The following CSMD1 variants were observed in gnomAD, a reference collection of about 807,000 sequenced individuals.
The protein encoded by CSMD1 is CUB and sushi domain-containing protein 1.
In CSMD1, 213 loss-of-function variants were observed where a neutral mutation model predicts 417.5. That is an observed-to-expected ratio of 0.51 (90% CI 0.46 to 0.57). The LOEUF is 0.57. CSMD1 is among the 20% of genes least tolerant of loss of function. The pLI, the probability that CSMD1 is intolerant of heterozygous loss-of-function variation, is 0.00. For missense variants in CSMD1, 6,923 were observed against 4,529.7 expected (o/e 1.53, Z -15.17); for synonymous variants, 2,862 against 1,736.8 (o/e 1.65, Z -16.11).
rs183249545 is a variant in CSMD1, at chr8:4,150,020, C to A, written c.416-117921G>T. 6.4e-4 allele frequency among the ~76,000 whole-genome samples: 97 copies of A among 152,292 alleles called. 1 individual carries two copies. The East Asian group carries it at 0.017, about 27-fold the overall frequency. ...AGACTGATGGATGCCTTTAAAATAT[C>A]CTCAACGCTGCACGTAAAAGGCACG... On this transcript the variant is annotated intron_variant, in intron 3 of 69. Transcript: ENST00000635120.
chr8:4,031,967 A>C lies in CSMD1; in HGVS notation c.548T>G (p.Leu183Arg). The change falls in exon 4 of 70, where the codon CTG becomes CGG. Residue 183 changes from leucine to arginine, a missense_variant. Physicochemically the swap from Leu to Arg is moderately radical, Grantham distance 102. Coordinates refer to ENST00000635120, the MANE Select transcript of CSMD1 (RefSeq NM_033225.6). The part of the protein sequence containing the change: ...PGYILEGHAI[L>R]TCIVSPGNGA... ...ATTTCCTGGGCTGACGATGCAGGTC[A>C]GGATGGCGTGGCCTTCCAAGATGTA... 1 of 1,613,984 alleles carries C rather than the reference A, an allele frequency of 6.2e-7. No homozygotes were observed. Among genetic ancestry groups the C allele is most frequent in the Non-Finnish European group, 8.5e-7 (1 of 1,179,878 alleles).
chr8:4,068,075 G>A (rs1383832748), intron 3 of CSMD1, among the ~76,000 whole-genome samples: 4 of 151,780 alleles, frequency 2.6e-5, no homozygotes, highest in East Asian at 1.9e-4. Context: ...GGGAGACAAC[G>A]TCTCAAAAAA....
At position 3,787,940 on chromosome 8, in the gene CSMD1, C is replaced by A. The variant is rs545930365; in HGVS notation, c.819-33898G>T. On this transcript the variant is annotated intron_variant, in intron 5 of 69. Coordinates refer to ENST00000635120, the MANE Select transcript of CSMD1 (RefSeq NM_033225.6). Reference sequence around the variant, plus strand: ...GTAGTTGTGAGGGGAAGGAGATGGGCAGAAATCCTTGCATGGGCTCCTAAT... The same window carrying A: ...GTAGTTGTGAGGGGAAGGAGATGGGAAGAAATCCTTGCATGGGCTCCTAAT... Among the ~76,000 whole-genome samples the A allele has an allele frequency of 1.7e-4, 26 of 152,226 alleles. No homozygotes were observed. The South Asian group carries it at 5.4e-3, about 32-fold the overall frequency.
At chr8:4,238,381 C>T (rs958758984) in intron 3 of CSMD1, among the ~76,000 whole-genome samples, 2 of 152,158 alleles carry the variant, frequency 1.3e-5, no homozygotes, top group African/African-American at 2.4e-5. Flanking sequence ...CAAAGCACAT[C>T]TGCTAACTCC....
At chr8:2,944,478 T>C (rs892824478) in intron 68 of CSMD1, among the ~76,000 whole-genome samples, 1 of 152,150 alleles carries the variant, frequency 6.6e-6, no homozygotes, top group Admixed American at 6.5e-5. Context: ...GTTGTGAAAA[T>C]CATATGTTAG....
chr8:3,326,508 G>T (rs994069314), intron 23 of CSMD1, among the ~76,000 whole-genome samples: 1 of 152,194 alleles, frequency 6.6e-6, no homozygotes, highest in Non-Finnish European at 1.5e-5. Flanking sequence ...CCTGAATGTT[G>T]TCACGTTTGG....
chr8:4,620,181 G>C (rs779334283), intron 2 of CSMD1, among the ~76,000 whole-genome samples: 1 of 151,640 alleles, frequency 6.6e-6, no homozygotes, highest in South Asian at 2.1e-4. Flanking sequence ...TGTGTTTGGT[G>C]TTCAGAAAGT....
intron 1 of CSMD1, among the ~76,000 whole-genome samples, chr8:4,667,838 C>A (rs934158446): frequency 6.6e-6 from 1 of 152,038 alleles, no homozygotes; most frequent in Non-Finnish European, 1.5e-5. Flanking sequence ...AATTTGTAAA[C>A]CTTTTATAGC....
At chr8:3,209,639 T>C (rs1476713601) in intron 30 of CSMD1, among the ~76,000 whole-genome samples, 1 of 152,200 alleles carries the variant, frequency 6.6e-6, no homozygotes, top group East Asian at 1.9e-4. Flanking sequence ...TAATAATTGT[T>C]ATGTCTGCAT....
intron 2 of CSMD1, among the ~76,000 whole-genome samples, chr8:4,546,627 G>C (rs938155849): frequency 6.6e-6 from 1 of 152,104 alleles, no homozygotes; most frequent in African/African-American, 2.4e-5. Context: ...CTTGCTCTCA[G>C]GACTTTGGCC....
At chr8:3,446,588 C>A (rs191625065) in intron 12 of CSMD1, among the ~76,000 whole-genome samples, 5 of 152,158 alleles carry the variant, frequency 3.3e-5, no homozygotes, top group Admixed American at 6.5e-5. Context: ...CACGGGTAAA[C>A]AGATTCTCCT....
intron 40 of CSMD1, among the ~76,000 whole-genome samples, chr8:3,147,301 C>G (rs1818903979): frequency 6.6e-6 from 1 of 152,210 alleles, no homozygotes; most frequent in African/African-American, 2.4e-5. Flanking sequence ...CTATTTTCAA[C>G]TTCCCAAAAT....
Position 3,063,584 on chromosome 8 carries a change from G to A in CSMD1, c.7475-10937C>T, listed in dbSNP as rs535220750. Among the ~76,000 whole-genome samples, 15 of 152,322 alleles carry A rather than the reference G, an allele frequency of 9.8e-5. No individual in the cohort carries two copies. In the South Asian group the frequency reaches 3.1e-3, roughly 32 times the overall value. ...GCTAAAATATGAAAGCAATCGAAGTGTCTGCCAAGAGATGAATGGCTAAAC... is the reference window on the plus strand; with the variant it reads ...GCTAAAATATGAAAGCAATCGAAGTATCTGCCAAGAGATGAATGGCTAAAC... On this transcript the variant is annotated intron_variant, in intron 49 of 69. Transcript: ENST00000635120.
At chr8:3,353,949 T>C (rs972880608) in intron 21 of CSMD1, among the ~76,000 whole-genome samples, 1 of 152,140 alleles carries the variant, frequency 6.6e-6, no homozygotes, top group African/African-American at 2.4e-5. Flanking sequence ...CCTGTGAAAT[T>C]TCCTGTCTCA....
intron 35 of CSMD1, 43 bp downstream of exon 35, chr8:3,188,844 C>T: frequency 1.4e-6 from 2 of 1,436,752 alleles, no homozygotes; most frequent in South Asian, 1.6e-5. Context: ...GCCCATGGAC[C>T]CCAGCTGAGC....
chr8:4,213,526 G>A lies in CSMD1; in HGVS notation c.416-181427C>T, dbSNP rs893380538. Among the ~76,000 whole-genome samples the A allele has an allele frequency of 2.6e-5, 4 of 152,196 alleles. No individual in the cohort carries two copies. In the South Asian group the frequency reaches 6.2e-4, roughly 24 times the overall value. On this transcript the variant is annotated intron_variant, in intron 3 of 69. Coordinates refer to ENST00000635120, the MANE Select transcript of CSMD1 (RefSeq NM_033225.6). The stretch of plus-strand genomic sequence containing the variant: ...TAAAATTTGGTGGTGCGTTAATGTA[G>A]AAATGACAGACACACAACGTCTAGA...
intron 12 of CSMD1, among the ~76,000 whole-genome samples, chr8:3,456,734 TTC>T (rs1376830684): frequency 1.3e-5 from 2 of 152,210 alleles, no homozygotes; most frequent in African/African-American, 4.8e-5. Context: ...AGCTGTTGAT[TTC>T]TCTCTTTCAG....
At chr8:3,164,703 G>A (rs1451095190) in intron 37 of CSMD1, among the ~76,000 whole-genome samples, 1 of 152,076 alleles carries the variant, frequency 6.6e-6, no homozygotes, top group African/African-American at 2.4e-5. Context: ...TCGTCATTCT[G>A]AGATACTTCA....
At chr8:4,737,344 G>A (rs559799714) in intron 1 of CSMD1, among the ~76,000 whole-genome samples, 10 of 152,064 alleles carry the variant, frequency 6.6e-5, no homozygotes, top group Admixed American at 5.2e-4. Flanking sequence ...AAAGGGTGGA[G>A]GGTTGGAGGA....
Sources: allele counts gnomAD v4.1 joint callset (sites outside exome capture counted in the v4.1 genomes callset), GRCh38; gene constraint gnomAD v4.1.1; transcripts MANE v1.5; gene names NCBI Gene and HGNC (gene_info 2026-07-23, HGNC 2026-07-21).